The following XKR5 variants were observed in gnomAD, a reference collection of about 807,000 sequenced individuals.
The protein encoded by XKR5 is XK-related protein 5.
Under a neutral mutation model 40.8 loss-of-function variants are expected in XKR5, and 46 were observed. The observed-to-expected ratio is 1.13, with a 90% confidence interval of 0.89 to 1.44. The LOEUF is 1.44. XKR5 is among the 40% of genes most tolerant of loss of function. XKR5 has a pLI of 0.00. For synonymous variants in XKR5, 466 were observed against 356.1 expected (o/e 1.31, Z -3.48); for missense variants, 1,169 against 844.7 (o/e 1.38, Z -4.76).
Position 6,825,248 on chromosome 8 carries a change from A to C in XKR5, c.344T>G (p.Leu115Trp). The change falls in exon 3 of 7, where the codon TTG (leucine) becomes TGG (tryptophan). Residue 115 changes from leucine (L) to tryptophan (W), a missense_variant. By Grantham distance (61) the Leu-to-Trp change is moderately conservative. Transcript: ENST00000618742. Reference sequence around the variant, plus strand: ...GGGCCCAGTCTGCAGCAGGGCCTCCAAGAGTCGAAGGGCCGACAGGTCGGC... The same window carrying C: ...GGGCCCAGTCTGCAGCAGGGCCTCCCAGAGTCGAAGGGCCGACAGGTCGGC... ...QEADLSALRL[L>W]EALLQTGPHL... is the part of the protein sequence containing the mutation. 1 of 1,612,820 alleles carries C rather than the reference A, an allele frequency of 6.2e-7. No individual in the cohort carries two copies. Among genetic ancestry groups the C allele is most frequent in the South Asian group, 1.1e-5 (1 of 90,882 alleles).
At chr8:6,823,910 C>G (rs1190740343) in intron 3 of XKR5, among the ~76,000 whole-genome samples, 180 bp from the exon 4 acceptor site, 2 of 152,206 alleles carry the variant, frequency 1.3e-5, no homozygotes, top group Non-Finnish European at 2.9e-5. Context: ...ACTCTATGTC[C>G]AAATACACCT....
chr8:6,814,064 A>T (rs1255895281), intron 6 of XKR5, among the ~76,000 whole-genome samples: 3 of 152,164 alleles, frequency 2.0e-5, no homozygotes, highest in Admixed American at 6.5e-5. Flanking sequence ...CCCTCCCTGA[A>T]GGAAGGATTG....
At chr8:6,827,989 G>A (rs950451353) in intron 2 of XKR5, among the ~76,000 whole-genome samples, 1 of 152,040 alleles carries the variant, frequency 6.6e-6, no homozygotes, top group African/African-American at 2.4e-5. Flanking sequence ...GATCACTTGA[G>A]CCCAGAAGTT....
chr8:6,820,829 C>T (rs1024437676), intron 5 of XKR5, among the ~76,000 whole-genome samples: 10 of 152,164 alleles, frequency 6.6e-5, no homozygotes, highest in African/African-American at 1.4e-4. Context: ...GTGTCTAGGA[C>T]GCTTCCCTTT....
At chr8:6,830,480 C>A (rs1179678622) in intron 2 of XKR5, among the ~76,000 whole-genome samples, 1 of 152,176 alleles carries the variant, frequency 6.6e-6, no homozygotes, top group African/African-American at 2.4e-5. Context: ...ACCTGAGAAA[C>A]ACTGCAAATC....
In XKR5 at chr8:6,832,599, A is replaced by G; in HGVS notation, c.242+118T>C. 3 of 1,345,596 alleles carry G rather than the reference A, an allele frequency of 2.2e-6. No homozygotes were observed. In the South Asian group the frequency reaches 4.0e-5, roughly 18 times the overall value. The allele number at this position is 1,345,596 out of a possible 1,614,324, so 83.4% of individuals were successfully genotyped here. A position where few individuals can be genotyped will look rare whatever the true frequency, so the allele number is the denominator to read the frequency against. ...CAGGGGTTTGCTGTGGCCGCTTTGA[A>G]CCTCTTCCCAATGCTGAACTTTTAT... On this transcript the variant is annotated intron_variant, in intron 2 of 6. Transcript: ENST00000618742.
rs538293356 is a variant in XKR5 at position 6,816,447 on chromosome 8, G to C, written c.808-529C>G. On this transcript the variant is annotated intron_variant, in intron 5 of 6. Coordinates refer to ENST00000618742, the MANE Select transcript of XKR5 (RefSeq NM_207411.5). ...GACGGGAGCTCGCAGGCTGACAAAGGAGCCTGGCCCCGTGGCTGCAGCTGG... is the reference window on the plus strand; with the variant it reads ...GACGGGAGCTCGCAGGCTGACAAAGCAGCCTGGCCCCGTGGCTGCAGCTGG... 2.2e-4 allele frequency among the ~76,000 whole-genome samples: 33 copies of C among 152,112 alleles called. No individual in the cohort carries two copies. The South Asian group carries it at 6.2e-3, about 29-fold the overall frequency.
At position 6,811,421 on chromosome 8, in the gene XKR5, C is replaced by A. The variant is rs757794741; in HGVS notation, c.1838G>T (p.Ser613Ile). ...GAGGGTTCTTCCAGGGAAGCCTGCA[C>A]TGGGGCAGAAGCCTCTACATGGGCC... is the stretch of plus-strand genomic sequence containing the variant. ...GTGPCRGFCP[S>I]AGFPGRTLSI... The change falls in exon 7 of 7, where the codon AGT (serine) becomes ATT (isoleucine). Residue 613 changes from serine to isoleucine, a missense_variant. By Grantham distance (142) the Ser-to-Ile change is moderately radical. Coordinates refer to ENST00000618742, the MANE Select transcript of XKR5 (RefSeq NM_207411.5). 7.8e-6 allele frequency: 12 copies of A among 1,536,998 alleles called. No homozygotes were observed. Among genetic ancestry groups the A allele is most frequent in the South Asian group, 3.6e-5 (3 of 84,046 alleles).
At chr8:6,834,749 C>A (rs965133003) in intron 1 of XKR5, among the ~76,000 whole-genome samples, 1 of 152,204 alleles carries the variant, frequency 6.6e-6, no homozygotes, top group African/African-American at 2.4e-5. Flanking sequence ...ACGCTCCTCC[C>A]GGCACTGAAG....
chr8:6,832,594 T>C, intron 2 of XKR5, 123 bp downstream of exon 2: 1 of 1,312,004 alleles, frequency 7.6e-7, no homozygotes, highest in Non-Finnish European at 1.1e-6. Context: ...CTGTGGCCGC[T>C]TTGAACCTCT....
Position 6,825,256 on chromosome 8 carries a change from A to G in XKR5, c.336T>C (p.Leu112=). The G allele has an allele frequency of 6.2e-7, 1 of 1,612,166 alleles. No individual in the cohort carries two copies. Among genetic ancestry groups the G allele is most frequent in the Non-Finnish European group, 8.5e-7 (1 of 1,179,338 alleles). ...TCTGCAGCAGGGCCTCCAAGAGTCG[A>G]AGGGCCGACAGGTCGGCCTCCTGCA... ...LQLQEADLSA[L]RLLEALLQTG... is the part of the protein sequence containing the mutation. The change falls in exon 3 of 7, where the codon CTT becomes CTC. Residue 112 remains leucine (L), a synonymous_variant. Coordinates refer to ENST00000618742, the MANE Select transcript of XKR5 (RefSeq NM_207411.5).
chr8:6,824,740 C>G (rs1274754494), intron 3 of XKR5, among the ~76,000 whole-genome samples: 1 of 152,116 alleles, frequency 6.6e-6, no homozygotes, highest in Non-Finnish European at 1.5e-5. Flanking sequence ...CCTGGCTGGT[C>G]TTGAGCTCCT....
At chr8:6,834,346 G>GA (rs1399784959) in intron 1 of XKR5, among the ~76,000 whole-genome samples, 2 of 152,232 alleles carry the variant, frequency 1.3e-5, no homozygotes, top group Admixed American at 1.3e-4. Context: ...CCGGGCTCAG[G>GA]CAGCCCTTAG....
chr8:6,820,635 C>T (rs186331699), intron 5 of XKR5, among the ~76,000 whole-genome samples: 2 of 152,206 alleles, frequency 1.3e-5, no homozygotes, highest in African/African-American at 4.8e-5. Context: ...GCTGCTCATG[C>T]ATGACCTGGG....
At chr8:6,822,835 A>C (rs187167119) in intron 4 of XKR5, among the ~76,000 whole-genome samples, 1 of 152,256 alleles carries the variant, frequency 6.6e-6, no homozygotes, top group East Asian at 1.9e-4. Context: ...GATTTAGTGG[A>C]GCTGTCCTAT....
At position 6,826,952 on chromosome 8, in the gene XKR5, C is replaced by G. The variant is rs575768111; in HGVS notation, c.243-1603G>C. 3.6e-4 allele frequency among the ~76,000 whole-genome samples: 55 copies of G among 152,306 alleles called. 1 individual carries two copies. The highest frequency in any genetic ancestry group is 1.3e-3 in the African/African-American group (54 of 41,568). ...CCTCCGAGGCTCTCGGAAAAGGAAT[C>G]AAGCAACAAGAAAGAAGTCAGAACA... On this transcript the variant is annotated intron_variant, in intron 2 of 6. Coordinates refer to ENST00000618742, the MANE Select transcript of XKR5 (RefSeq NM_207411.5).
At position 6,811,501 on chromosome 8, in the gene XKR5, CA is replaced by C; in HGVS notation, c.1757del (p.Val586GlyfsTer17). 1 of 1,529,032 alleles carries C rather than the reference CA, an allele frequency of 6.5e-7. No homozygotes were observed. The highest frequency in any genetic ancestry group is 8.8e-7 in the Non-Finnish European group (1 of 1,142,200). 94.7% of individuals were successfully genotyped at this position (1,529,032 alleles called of 1,614,324 possible). On this transcript the variant is annotated frameshift_variant, in exon 7 of 7. Coordinates refer to ENST00000618742, the MANE Select transcript of XKR5 (RefSeq NM_207411.5). LOFTEE classifies it low-confidence loss of function (END_TRUNC). ...SPAQPASPHPVGLAPFPDTMA... is the reference protein window; with the variant it reads ...SPAQPASPHPXGLAPFPDTMA... ...TGGTGTCGGGGAAGGGCGCCAAGCCCACTGGGTGGGGCGATGCAGGCTGGGC... is the reference window on the plus strand; with the variant it reads ...TGGTGTCGGGGAAGGGCGCCAAGCCCCTGGGTGGGGCGATGCAGGCTGGGC...
Position 6,812,161 on chromosome 8 carries a change from C to A in XKR5, c.1098G>T (p.Gly366=). The change falls in exon 7 of 7, where the codon GGG becomes GGT. Residue 366 remains glycine, a synonymous_variant. Transcript: ENST00000618742. ...KRTESSGSCQ[G]ASYEPTILGK... ...CTAAAATGGTTGGTTCATAACTTGC[C>A]CCTTGGCATGAGCCTGAGCTCTCGG... is the stretch of plus-strand genomic sequence containing the variant. 1.3e-6 allele frequency: 2 copies of A among 1,551,644 alleles called. No individual in the cohort carries two copies. Among genetic ancestry groups the A allele is most frequent in the South Asian group, 2.4e-5 (2 of 84,060 alleles).
chr8:6,825,412 C>T lies in XKR5; in HGVS notation c.243-63G>A. ...CTGTGGCGAGATTCAATAGGACGAG[C>T]TTTCATTTAGAGACATACTACATGC... is the stretch of plus-strand genomic sequence containing the variant. On this transcript the variant is annotated intron_variant, in intron 2 of 6. Coordinates refer to ENST00000618742, the MANE Select transcript of XKR5 (RefSeq NM_207411.5). 5.6e-6 allele frequency: 8 copies of T among 1,437,602 alleles called. No homozygotes were observed. The South Asian group carries it at 1.1e-4, about 19-fold the overall frequency. The allele number at this position is 1,437,602 out of a possible 1,614,324, so 89.1% of individuals were successfully genotyped here.
Sources: allele counts gnomAD v4.1 joint callset (sites outside exome capture counted in the v4.1 genomes callset), GRCh38; gene constraint gnomAD v4.1.1; transcripts MANE v1.5; gene names NCBI Gene and HGNC (gene_info 2026-07-23, HGNC 2026-07-21).